SDK1: variants seen among roughly 807,000 people sequenced by gnomAD.
The protein encoded by SDK1 is protein sidekick-1.
Under a neutral mutation model 245.5 loss-of-function variants are expected in SDK1, and 157 were observed. That is an observed-to-expected ratio of 0.64 (90% CI 0.56 to 0.73). SDK1 has a LOEUF of 0.73. Among genes scored for constraint, SDK1 ranks in the 30% least tolerant of loss-of-function variants. SDK1 has a pLI of 0.00. For synonymous variants in SDK1, 1,647 were observed against 1,278.5 expected (o/e 1.29, Z -6.15); for missense variants, 3,583 against 3,002.3 (o/e 1.19, Z -4.52).
At chr7:3,457,051 G>A (rs1166591426) in intron 1 of SDK1, among the ~76,000 whole-genome samples, 1 of 152,136 alleles carries the variant, frequency 6.6e-6, no homozygotes, top group Non-Finnish European at 1.5e-5. Flanking sequence ...AACTTTAATG[G>A]GGGAAGGGAG....
intron 25 of SDK1, among the ~76,000 whole-genome samples, chr7:4,115,697 C>T (rs954671405): frequency 6.6e-6 from 1 of 152,184 alleles, no homozygotes; most frequent in African/African-American, 2.4e-5. Flanking sequence ...GTTTCCACCC[C>T]AGAGTCCTCG....
In SDK1 at chr7:4,208,276, C is replaced by G. The variant is rs761168659; in HGVS notation, c.5392C>G (p.His1798Asp). The G allele has an allele frequency of 6.2e-7, 1 of 1,612,568 alleles. No individual in the cohort carries two copies. The highest frequency in any genetic ancestry group is 8.5e-7 in the Non-Finnish European group (1 of 1,179,600). Residue 1798 changes from histidine to aspartate, a missense_variant, in exon 37 of 45, where the codon CAC (histidine) becomes GAC (aspartate). Coordinates refer to ENST00000404826, the MANE Select transcript of SDK1 (RefSeq NM_152744.4). Reference protein sequence around the residue: ...PKSDPQQGRTHQAAPGAPSFL... With the variant: ...PKSDPQQGRTDQAAPGAPSFL... The stretch of plus-strand genomic sequence containing the variant: ...GAGTGACCCCCAGCAGGGGCGCACC[C>G]ACCAGGCCGGTAGGAGGAAGGCGGG...
intron 5 of SDK1, among the ~76,000 whole-genome samples, chr7:3,851,850 A>G (rs951149489): frequency 4.6e-5 from 7 of 152,258 alleles, no homozygotes; most frequent in African/African-American, 1.4e-4. Context: ...AAGTGTTATT[A>G]TTAAAGAATA....
chr7:3,850,075 T>C (rs1780379926), intron 5 of SDK1, among the ~76,000 whole-genome samples: 1 of 152,246 alleles, frequency 6.6e-6, no homozygotes, highest in Admixed American at 6.5e-5. Context: ...TGTAGGCTTC[T>C]ATACTTACAA....
In SDK1 at chr7:3,530,515, A is replaced by T. The variant is rs1783305781; in HGVS notation, c.299-88565A>T. The stretch of plus-strand genomic sequence containing the variant: ...TGGGTTCTCAAAATGTAAGGAGTTG[A>T]TAGAACTTAAAAATTCACTCATGCT... On this transcript the variant is annotated intron_variant, in intron 1 of 44. Coordinates refer to ENST00000404826, the MANE Select transcript of SDK1 (RefSeq NM_152744.4). 2.0e-5 allele frequency among the ~76,000 whole-genome samples: 3 copies of T among 152,344 alleles called. No homozygotes were observed. In the South Asian group the frequency reaches 6.2e-4, roughly 32 times the overall value.
intron 1 of SDK1, among the ~76,000 whole-genome samples, chr7:3,453,616 A>G (rs897219220): frequency 6.6e-6 from 1 of 152,184 alleles, no homozygotes; most frequent in Non-Finnish European, 1.5e-5. Context: ...CTACTGTAAG[A>G]GGCAAGGAGC....
At chr7:3,937,995 G>A (rs1409910905) in intron 5 of SDK1, among the ~76,000 whole-genome samples, 6 of 151,986 alleles carry the variant, frequency 3.9e-5, no homozygotes, top group South Asian at 2.1e-4. Context: ...CTACCACCAC[G>A]CCCGGCTAAT....
intron 4 of SDK1, among the ~76,000 whole-genome samples, chr7:3,797,458 TACAC>T (rs34376723): frequency 0.085 from 12,493 of 147,102 alleles, 574 homozygotes; most frequent in South Asian, 0.12. Context: ...GGGGTGTGTA[TACAC>T]ACACACACAC....
chr7:3,594,262 A>G (rs751451119), intron 1 of SDK1, among the ~76,000 whole-genome samples: 1 of 152,188 alleles, frequency 6.6e-6, no homozygotes, highest in Non-Finnish European at 1.5e-5. Context: ...AGGCTCATCC[A>G]TGTTGCAACA....
intron 5 of SDK1, among the ~76,000 whole-genome samples, chr7:3,880,033 CT>C (rs1781169251): frequency 6.6e-6 from 1 of 152,106 alleles, no homozygotes; most frequent in Non-Finnish European, 1.5e-5. Context: ...TTCTATTCTG[CT>C]GCTGGTAATC....
chr7:3,307,605 C>G (rs1368455480), intron 1 of SDK1, among the ~76,000 whole-genome samples: 1 of 152,176 alleles, frequency 6.6e-6, no homozygotes, highest in Non-Finnish European at 1.5e-5. Flanking sequence ...TGACAGAAAG[C>G]TCCAAAGCCA....
At chr7:3,657,601 G>GTT (rs112200960) in intron 4 of SDK1, among the ~76,000 whole-genome samples, 1 of 151,798 alleles carries the variant, frequency 6.6e-6, no homozygotes, top group Non-Finnish European at 1.5e-5. Flanking sequence ...GGGGACTCGG[G>GTT]TTTTTTTCCA....
chr7:4,091,524 G>A (rs13229597), intron 22 of SDK1, among the ~76,000 whole-genome samples: 43,245 of 151,098 alleles, frequency 0.29, 7,692 homozygotes, highest in African/African-American at 0.5. Context: ...TGTATTTTTG[G>A]TAGAGATGGG....
intron 4 of SDK1, among the ~76,000 whole-genome samples, chr7:3,680,880 G>A (rs1374433401): frequency 6.6e-6 from 1 of 152,064 alleles, no homozygotes; most frequent in Admixed American, 6.5e-5. Context: ...GTCTCGCTCT[G>A]TTGCCAGGCT....
At chr7:3,493,066 TC>T (rs1382367140) in intron 1 of SDK1, among the ~76,000 whole-genome samples, 1 of 152,188 alleles carries the variant, frequency 6.6e-6, no homozygotes, top group Non-Finnish European at 1.5e-5. Flanking sequence ...TTCTCCTGCC[TC>T]AGCCTCCCCA....
intron 1 of SDK1, among the ~76,000 whole-genome samples, chr7:3,322,004 C>G (rs35458428): frequency 7.4e-6 from 1 of 135,292 alleles, no homozygotes; most frequent in Non-Finnish European, 1.6e-5. Context: ...TAGCTTCTTT[C>G]TAAAGTTTTT....
intron 5 of SDK1, among the ~76,000 whole-genome samples, chr7:3,933,969 T>C (rs535969600): frequency 6.6e-6 from 1 of 152,178 alleles, no homozygotes; most frequent in Non-Finnish European, 1.5e-5. Context: ...GAGAAAGCTT[T>C]CTGTTTGGTG....
At chr7:4,173,069 GC>G (rs1476932516) in intron 32 of SDK1, among the ~76,000 whole-genome samples, 1 of 152,204 alleles carries the variant, frequency 6.6e-6, no homozygotes, top group East Asian at 1.9e-4. Context: ...CTGTGGCTCC[GC>G]CCAGGGAGCA....
chr7:4,241,916 AG>A lies in SDK1; in HGVS notation c.6251+5del. On this transcript the variant is annotated splice_donor_region_variant and intron_variant, in intron 43 of 44. Coordinates refer to ENST00000404826, the MANE Select transcript of SDK1 (RefSeq NM_152744.4). ...TTCTCCAAGAAGAACGGGACCAGGT[AG>A]GCAGGCAGTGCTGTGCTGCGCCCAC... 1 of 1,612,734 alleles carries A rather than the reference AG, an allele frequency of 6.2e-7. No homozygotes were observed. The highest frequency in any genetic ancestry group is 2.2e-5 in the East Asian group (1 of 44,872).
Sources: allele counts gnomAD v4.1 joint callset (sites outside exome capture counted in the v4.1 genomes callset), GRCh38; gene constraint gnomAD v4.1.1; transcripts MANE v1.5; gene names NCBI Gene and HGNC (gene_info 2026-07-23, HGNC 2026-07-21).